The following NR2F1-AS1 variants were observed in gnomAD, a reference collection of about 807,000 sequenced individuals.
NR2F1-AS1 encodes the protein NR2F1 regulatory antisense RNA 1.
At chr5:93,534,570 T>C (rs541177791) in intron 4 of NR2F1-AS1, among the ~76,000 whole-genome samples, 1 of 152,344 alleles carries the variant, frequency 6.6e-6, no homozygotes, top group South Asian at 2.1e-4. Context: ...TAAAATCATA[T>C]GATTCCTAGT....
At chr5:93,448,400 G>A (rs187779851) in intron 4 of NR2F1-AS1, among the ~76,000 whole-genome samples, 2 of 152,126 alleles carry the variant, frequency 1.3e-5, no homozygotes, top group Non-Finnish European at 1.5e-5. Flanking sequence ...TAAGCTTTAG[G>A]ATACTCAAAA....
intron 4 of NR2F1-AS1, among the ~76,000 whole-genome samples, chr5:93,463,378 G>C (rs1388360481): frequency 5.3e-5 from 8 of 152,230 alleles, no homozygotes; most frequent in Admixed American, 5.2e-4. Flanking sequence ...GTGTGGAAAT[G>C]CCCGGATGTC....
At chr5:93,529,508 T>C (rs902021974) in intron 4 of NR2F1-AS1, among the ~76,000 whole-genome samples, 2 of 152,168 alleles carry the variant, frequency 1.3e-5, no homozygotes, top group South Asian at 4.1e-4. Flanking sequence ...CTTTATTCAC[T>C]AGAAAGTACC....
chr5:93,502,691 T>G (rs1042605215), intron 4 of NR2F1-AS1, among the ~76,000 whole-genome samples: 1 of 152,114 alleles, frequency 6.6e-6, no homozygotes, highest in East Asian at 1.9e-4. Flanking sequence ...TTTTTGCCAG[T>G]TCTCTGCCAA....
At chr5:93,573,830 G>A (rs1752833541) in intron 1 of NR2F1-AS1, among the ~76,000 whole-genome samples, 1 of 152,178 alleles carries the variant, frequency 6.6e-6, no homozygotes, top group Admixed American at 6.5e-5. Flanking sequence ...ACCTGGGCAG[G>A]AGAGAATGTG....
chr5:93,523,990 T>G (rs1040608044), intron 4 of NR2F1-AS1, among the ~76,000 whole-genome samples: 1 of 151,768 alleles, frequency 6.6e-6, no homozygotes, highest in South Asian at 2.1e-4. Flanking sequence ...GGAACAAAAC[T>G]GGACAGAGAA....
intron 4 of NR2F1-AS1, among the ~76,000 whole-genome samples, chr5:93,446,591 T>C (rs1024178820): frequency 7.2e-5 from 11 of 152,088 alleles, no homozygotes; most frequent in African/African-American, 1.7e-4. Flanking sequence ...TGCTCATAGA[T>C]AGGAAGAATC....
chr5:93,452,042 T>C (rs1008178728), intron 4 of NR2F1-AS1, among the ~76,000 whole-genome samples: 5 of 152,180 alleles, frequency 3.3e-5, no homozygotes, highest in Admixed American at 1.3e-4. Context: ...ATGCATACTA[T>C]TTCCTGCCTT....
At chr5:93,423,365 A>G (rs1749131722) in intron 4 of NR2F1-AS1, 1 of 152,184 alleles carries the variant, frequency 6.6e-6, no homozygotes, top group African/African-American at 2.4e-5. Context: ...TTCTGCCAGT[A>G]AAGTCTATTC....
intron 4 of NR2F1-AS1, among the ~76,000 whole-genome samples, chr5:93,531,825 G>T (rs1220832049): frequency 6.6e-6 from 1 of 152,146 alleles, no homozygotes. Context: ...AATAACCAAT[G>T]AACTGAAACA....
chr5:93,513,662 G>C (rs973724306), intron 4 of NR2F1-AS1, among the ~76,000 whole-genome samples: 3 of 152,088 alleles, frequency 2.0e-5, no homozygotes, highest in African/African-American at 7.2e-5. Context: ...AGAGGGGAGA[G>C]AGAAGGCAGG....
chr5:93,580,046 C>A (rs936661339), intron 1 of NR2F1-AS1, among the ~76,000 whole-genome samples: 1 of 152,224 alleles, frequency 6.6e-6, no homozygotes, highest in Non-Finnish European at 1.5e-5. Context: ...GCCAGCCGGG[C>A]CGGACTCTGC....
At chr5:93,569,531 A>C (rs963963431) in intron 1 of NR2F1-AS1, among the ~76,000 whole-genome samples, 1 of 152,168 alleles carries the variant, frequency 6.6e-6, no homozygotes, top group Non-Finnish European at 1.5e-5. Flanking sequence ...GAGGTCAGTA[A>C]AACTATGCTA....
intron 4 of NR2F1-AS1, among the ~76,000 whole-genome samples, chr5:93,513,164 C>T (rs1751336071): frequency 6.6e-6 from 1 of 152,114 alleles, no homozygotes; most frequent in Non-Finnish European, 1.5e-5. Flanking sequence ...AAAAAAACAA[C>T]AGATGCTGGT....
chr5:93,538,434 C>T (rs2149904076), intron 4 of NR2F1-AS1, among the ~76,000 whole-genome samples: 1 of 152,226 alleles, frequency 6.6e-6, no homozygotes, highest in South Asian at 2.1e-4. Flanking sequence ...ATAACTGCGC[C>T]ACTGCACTCC....
chr5:93,411,781 C>T (rs1748862776), intron 4 of NR2F1-AS1, among the ~76,000 whole-genome samples: 1 of 152,090 alleles, frequency 6.6e-6, no homozygotes, highest in African/African-American at 2.4e-5. Context: ...GTTCCCCTAC[C>T]AGGTAAGGAT....
chr5:93,424,712 A>C (rs1417361782), intron 4 of NR2F1-AS1, among the ~76,000 whole-genome samples: 1 of 152,208 alleles, frequency 6.6e-6, no homozygotes. Flanking sequence ...GATAGCAAAC[A>C]GACCAACTTC....
At chr5:93,527,616 C>T (rs1167781562) in intron 4 of NR2F1-AS1, among the ~76,000 whole-genome samples, 4 of 152,090 alleles carry the variant, frequency 2.6e-5, no homozygotes, top group African/African-American at 9.7e-5. Flanking sequence ...GCTACAGTAA[C>T]CAAAACAGCA....
intron 4 of NR2F1-AS1, among the ~76,000 whole-genome samples, chr5:93,519,962 A>C (rs1190791721): frequency 6.6e-6 from 1 of 152,030 alleles, no homozygotes; most frequent in Non-Finnish European, 1.5e-5. Flanking sequence ...AATCCTCTCT[A>C]TTTATGGAAA....
Sources: gnomAD v4.1 joint callset for allele counts (sites outside exome capture counted in the v4.1 genomes callset) on GRCh38, gnomAD v4.1.1 for gene constraint, MANE v1.5 for transcripts, NCBI Gene and HGNC (gene_info 2026-07-23, HGNC 2026-07-21) for gene names.